Variants in TET1 observed in about 807,000 individuals in gnomAD.
TET1 encodes the protein methylcytosine dioxygenase TET1.
Under a neutral mutation model 148.7 loss-of-function variants are expected in TET1, and 13 were observed. That is an observed-to-expected ratio of 0.09 (90% CI 0.06 to 0.14). The LOEUF is 0.14. TET1 is among the 10% of genes least tolerant of loss of function. TET1 has a pLI of 1.00. For synonymous variants in TET1, 907 were observed against 937.2 expected (o/e 0.97, Z 0.59); for missense variants, 2,182 against 2,553.8 (o/e 0.85, Z 3.14).
intron 7 of TET1, among the ~76,000 whole-genome samples, chr10:68,669,474 C>CTTTTTTTTTTTTTTTTTTTTTTTTTT (rs3085667): frequency 8.1e-4 from 50 of 61,550 alleles, no homozygotes; most frequent in Non-Finnish European, 9.3e-4. Context: ...CCATGCCCAG[C>CTTTTTTTTTTTTTTTTTTTTTTTTTT]TTTTTTTTTT....
chr10:68,676,247 T>C (rs2055350107), intron 8 of TET1, among the ~76,000 whole-genome samples: 1 of 14,222 alleles, frequency 7.0e-5, no homozygotes, highest in African/African-American at 3.0e-4. Flanking sequence ...TATATATATA[T>C]ATATATATAT....
chr10:68,688,359 A>G (rs2055543791), intron 11 of TET1, among the ~76,000 whole-genome samples: 1 of 151,296 alleles, frequency 6.6e-6, no homozygotes, highest in Admixed American at 6.6e-5. Context: ...CGGCCTCACA[A>G]AGTGGTGAGA....
intron 3 of TET1, among the ~76,000 whole-genome samples, chr10:68,603,557 G>A (rs888786910): frequency 3.3e-5 from 5 of 152,054 alleles, no homozygotes; most frequent in Non-Finnish European, 7.4e-5. Flanking sequence ...GATTGCTTGA[G>A]GCCAGGAGTT....
In TET1 at chr10:68,652,456, A is replaced by T. The variant is rs200873097; in HGVS notation, c.4368-45A>T. ...TCAAAGCCAAAGCCTTCAAGTACAG[A>T]TTGCAATTAATTAGTACATTCCCTT... On this transcript the variant is annotated intron_variant, in intron 5 of 11. Coordinates refer to ENST00000373644, the MANE Select transcript of TET1 (RefSeq NM_030625.3). 158 of 1,408,874 alleles carry T rather than the reference A, an allele frequency of 1.1e-4. 1 individual carries two copies. The Admixed American group carries it at 2.2e-3, about 20-fold the overall frequency. 87.3% of individuals were successfully genotyped at this position (1,408,874 alleles called of 1,614,324 possible). A position where few individuals can be genotyped will look rare whatever the true frequency, so the allele number is the denominator to read the frequency against.
chr10:68,616,692 T>G (rs575201345), intron 3 of TET1, among the ~76,000 whole-genome samples: 1 of 152,178 alleles, frequency 6.6e-6, no homozygotes, highest in East Asian at 1.9e-4. Flanking sequence ...CATGTAAGTA[T>G]GCCCAGATAA....
intron 3 of TET1, among the ~76,000 whole-genome samples, chr10:68,624,367 G>A (rs369337458): frequency 6.6e-6 from 1 of 152,080 alleles, no homozygotes; most frequent in South Asian, 2.1e-4. Context: ...TTGGCTCACC[G>A]CAACCTCCGC....
intron 6 of TET1, among the ~76,000 whole-genome samples, chr10:68,665,223 G>A (rs1232693252): frequency 6.6e-6 from 1 of 151,920 alleles, no homozygotes; most frequent in African/African-American, 2.4e-5. Context: ...TCAATGTGAG[G>A]TAGGGGTCAA....
At chr10:68,626,227 C>T (rs1220119588) in intron 3 of TET1, among the ~76,000 whole-genome samples, 1 of 151,520 alleles carries the variant, frequency 6.6e-6, no homozygotes, top group Non-Finnish European at 1.5e-5. Context: ...CTTTGTCTCT[C>T]TCTTTTTCTC....
At chr10:68,583,577 C>G (rs1201113416) in intron 2 of TET1, among the ~76,000 whole-genome samples, 1 of 152,132 alleles carries the variant, frequency 6.6e-6, no homozygotes, top group Non-Finnish European at 1.5e-5. Context: ...GTCACTGTTT[C>G]TAAAGAAGGC....
intron 8 of TET1, among the ~76,000 whole-genome samples, chr10:68,678,421 G>A (rs2055392387): frequency 6.6e-6 from 1 of 152,182 alleles, no homozygotes; most frequent in Admixed American, 6.5e-5. Context: ...TATAGCTGTG[G>A]ATGAGGATAT....
chr10:68,596,669 G>A lies in TET1; in HGVS notation c.1915-4312G>A, dbSNP rs75052117. Among the ~76,000 whole-genome samples, 12 of 152,290 alleles carry A rather than the reference G, an allele frequency of 7.9e-5. No homozygotes were observed. The East Asian group carries it at 2.1e-3, about 27-fold the overall frequency. Reference sequence around the variant, plus strand: ...CACCAAATCACTTAGTATAGGAATTGAAACACCTGATCTATGCTGTGTTCA... The same window carrying A: ...CACCAAATCACTTAGTATAGGAATTAAAACACCTGATCTATGCTGTGTTCA... On this transcript the variant is annotated intron_variant, in intron 2 of 11. Transcript: ENST00000373644.
intron 8 of TET1, among the ~76,000 whole-genome samples, chr10:68,678,743 AG>A (rs1165372779): frequency 6.6e-6 from 1 of 152,110 alleles, no homozygotes; most frequent in Non-Finnish European, 1.5e-5. Context: ...AAAGAGTGGG[AG>A]AAGGAGTTAA....
intron 2 of TET1, among the ~76,000 whole-genome samples, chr10:68,581,578 A>G (rs2053798658): frequency 6.6e-6 from 1 of 152,208 alleles, no homozygotes; most frequent in Non-Finnish European, 1.5e-5. Flanking sequence ...GGACTGGCAC[A>G]TGCCTGTAAC....
At chr10:68,630,546 G>A (rs748403525) in intron 3 of TET1, among the ~76,000 whole-genome samples, 5 of 152,084 alleles carry the variant, frequency 3.3e-5, no homozygotes, top group Admixed American at 6.6e-5. Flanking sequence ...AACTGCTGAC[G>A]TCAGGTGGTC....
intron 2 of TET1, among the ~76,000 whole-genome samples, chr10:68,579,863 G>T (rs2053772010): frequency 6.6e-6 from 1 of 151,726 alleles, no homozygotes; most frequent in South Asian, 2.1e-4. Context: ...CAGTCTCCAG[G>T]CCCAAGTGAT....
At chr10:68,674,170 G>A (rs1186402802) in intron 8 of TET1, among the ~76,000 whole-genome samples, 1 of 151,734 alleles carries the variant, frequency 6.6e-6, no homozygotes. Flanking sequence ...CACCATGTTG[G>A]CCAGGCTAAT....
At chr10:68,625,982 G>T (rs114809082) in intron 3 of TET1, among the ~76,000 whole-genome samples, 4 of 151,666 alleles carry the variant, frequency 2.6e-5, no homozygotes, top group Non-Finnish European at 5.9e-5. Flanking sequence ...TACTCAGAAG[G>T]CTGAGGGGGG....
intron 11 of TET1, among the ~76,000 whole-genome samples, chr10:68,688,381 C>T (rs1056501923): frequency 1.3e-5 from 2 of 151,296 alleles, no homozygotes; most frequent in South Asian, 2.1e-4. Context: ...CCACCACGCC[C>T]GGCTGGCTTC....
chr10:68,606,320 T>C (rs898306497), intron 3 of TET1, among the ~76,000 whole-genome samples: 1 of 152,194 alleles, frequency 6.6e-6, no homozygotes, highest in African/African-American at 2.4e-5. Flanking sequence ...TCAGCCGAGA[T>C]TGTGCCTCTG....
Sources: gnomAD v4.1 joint callset for allele counts (sites outside exome capture counted in the v4.1 genomes callset) on GRCh38, gnomAD v4.1.1 for gene constraint, MANE v1.5 for transcripts, NCBI Gene and HGNC (gene_info 2026-07-23, HGNC 2026-07-21) for gene names.